Variants in NCOA6 observed in about 807,000 individuals in gnomAD.
The protein encoded by NCOA6 is nuclear receptor coactivator 6.
Under a neutral mutation model 171.4 loss-of-function variants are expected in NCOA6, and 49 were observed. The observed-to-expected ratio is 0.29, with a 90% confidence interval of 0.23 to 0.36. The LOEUF (loss-of-function observed/expected upper bound fraction) is 0.36, where lower values mean the gene tolerates loss of function less well. Among genes scored for constraint, NCOA6 ranks in the 10% least tolerant of loss-of-function variants. The pLI is 1.00. For missense variants in NCOA6, 2,248 were observed against 2,554.5 expected (o/e 0.88, Z 2.59); for synonymous variants, 910 against 927.5 (o/e 0.98, Z 0.34).
At chr20:34,719,858 T>C (rs1458834703) in intron 14 of NCOA6, among the ~76,000 whole-genome samples, 1 of 152,176 alleles carries the variant, frequency 6.6e-6, no homozygotes, top group Non-Finnish European at 1.5e-5. Context: ...CTCTTCAGGG[T>C]TTTCTCCCAC....
chr20:34,787,291 A>G (rs1312216181), intron 2 of NCOA6, among the ~76,000 whole-genome samples: 1 of 152,008 alleles, frequency 6.6e-6, no homozygotes, highest in African/African-American at 2.4e-5. Flanking sequence ...TGGGAGGCTG[A>G]GGTTGGAGGA....
In NCOA6 at chr20:34,741,751, T is replaced by A; in HGVS notation, c.4505A>T (p.Asn1502Ile). 1 of 1,614,174 alleles carries A rather than the reference T, an allele frequency of 6.2e-7. No homozygotes were observed. The highest frequency in any genetic ancestry group is 8.5e-7 in the Non-Finnish European group (1 of 1,180,032). The change falls in exon 11 of 15, where the codon AAT (asparagine) becomes ATT (isoleucine). Residue 1502 changes from asparagine (N) to isoleucine (I), a missense_variant. By Grantham distance (149) the Asn-to-Ile change is moderately radical (BLOSUM62 -3). Transcript: ENST00000359003. ...SQLLDNSGAP[N>I]VTIKPPGLTD... Reference sequence around the variant, plus strand: ...AAGCCCAGGGGGTTTAATTGTCACATTGGGAGCTCCAGAGTTGTCAAGAAG... The same window carrying A: ...AAGCCCAGGGGGTTTAATTGTCACAATGGGAGCTCCAGAGTTGTCAAGAAG...
intron 5 of NCOA6, among the ~76,000 whole-genome samples, chr20:34,767,181 AG>A (rs1361389153): frequency 5.9e-5 from 9 of 152,230 alleles, no homozygotes; most frequent in Admixed American, 5.2e-4. Flanking sequence ...ATGTGAAGAA[AG>A]TATTGCTTGG....
Position 34,726,659 on chromosome 20 carries a change from C to T in NCOA6, c.6148+600G>A, listed in dbSNP as rs142824353. Reference sequence around the variant, plus strand: ...CATTAGCCAGGTGAGGTGGCACGCACCTGTAATCCCAGCTACTCAGGACGC... The same window carrying T: ...CATTAGCCAGGTGAGGTGGCACGCATCTGTAATCCCAGCTACTCAGGACGC... On this transcript the variant is annotated intron_variant, in intron 14 of 14. Transcript: ENST00000359003. Among the ~76,000 whole-genome samples, 1,299 of 152,218 alleles carry T rather than the reference C, an allele frequency of 8.5e-3. 7 individuals are homozygous for T. Among genetic ancestry groups the T allele is most frequent in the Middle Eastern group, 0.034 (10 of 294 alleles).
At chr20:34,782,074 C>T in intron 3 of NCOA6, 47 bp downstream of exon 3, 2 of 1,338,826 alleles carry the variant, frequency 1.5e-6, no homozygotes, top group South Asian at 1.4e-5. Flanking sequence ...GAAGGGCAAA[C>T]ATTTCAAAAA....
chr20:34,776,217 G>A, intron 4 of NCOA6, 76 bp downstream of exon 4: 2 of 1,518,922 alleles, frequency 1.3e-6, no homozygotes, highest in Non-Finnish European at 1.8e-6. Context: ...AACAGACAAA[G>A]CAGCACAGAA....
intron 1 of NCOA6, among the ~76,000 whole-genome samples, chr20:34,824,579 T>TC (rs1458696060): frequency 6.6e-6 from 1 of 152,168 alleles, no homozygotes; most frequent in African/African-American, 2.4e-5. Context: ...GTCCCTCCTT[T>TC]TAAAGACACA....
intron 10 of NCOA6, among the ~76,000 whole-genome samples, chr20:34,746,453 G>A (rs2076304307): frequency 6.6e-6 from 1 of 152,132 alleles, no homozygotes. Flanking sequence ...ATGTTGCCCA[G>A]GCTGGTCTTG....
intron 10 of NCOA6, among the ~76,000 whole-genome samples, chr20:34,744,405 G>A (rs916772110): frequency 2.0e-5 from 3 of 152,160 alleles, no homozygotes; most frequent in African/African-American, 7.2e-5. Flanking sequence ...TGGGCATACA[G>A]CTGGGCATAT....
At chr20:34,813,624 T>G (rs1179154269) in intron 1 of NCOA6, among the ~76,000 whole-genome samples, 14 of 152,156 alleles carry the variant, frequency 9.2e-5, no homozygotes, top group Non-Finnish European at 1.9e-4. Context: ...GCTAAAATAT[T>G]AAAGGCATAG....
intron 1 of NCOA6, among the ~76,000 whole-genome samples, chr20:34,817,185 ACTGATATTC>A (rs1568902251): frequency 0.022 from 2,756 of 124,730 alleles, 646 homozygotes; most frequent in Middle Eastern, 0.037. Context: ...GTACTACGGA[ACTGATATTC>A]AACAGATTCA....
At position 34,715,344 on chromosome 20, in the gene NCOA6, G is replaced by T. The variant is rs768795684; in HGVS notation, c.6170C>A (p.Ser2057Tyr). 1.1e-5 allele frequency: 18 copies of T among 1,613,932 alleles called. No individual in the cohort carries two copies. The highest frequency in any genetic ancestry group is 1.2e-5 in the Non-Finnish European group (14 of 1,179,840). The change falls in exon 15 of 15, where the codon TCC (serine) becomes TAC (tyrosine). Residue 2057 changes from serine (S) to tyrosine (Y), a missense_variant. Ser to Tyr is a moderately radical substitution (Grantham distance 144). Coordinates refer to ENST00000359003, the MANE Select transcript of NCOA6 (RefSeq NM_014071.5). Reference protein sequence around the residue: ...STKDITSAVQSKRRKSK With the variant: ...STKDITSAVQYKRRKSK ...TGTTTACTTGGATTTTCTTCGCTTG[G>T]ATTGCACCGCACTGGTTATGTCTGT...
chr20:34,763,292 A>G (rs979784020), intron 5 of NCOA6, among the ~76,000 whole-genome samples: 3 of 152,124 alleles, frequency 2.0e-5, no homozygotes, highest in South Asian at 4.2e-4. Flanking sequence ...CCTCTTTCAT[A>G]TTTCCATCTC....
intron 12 of NCOA6, among the ~76,000 whole-genome samples, chr20:34,735,795 T>C (rs1374400000): frequency 6.6e-6 from 1 of 152,190 alleles, no homozygotes; most frequent in Non-Finnish European, 1.5e-5. Context: ...GAAGTAGGTT[T>C]TAAAATAATC....
intron 10 of NCOA6, among the ~76,000 whole-genome samples, chr20:34,744,979 A>G (rs1051251911): frequency 3.3e-5 from 5 of 152,256 alleles, no homozygotes; most frequent in Admixed American, 2.6e-4. Context: ...TGGCTGCTAC[A>G]GAGTCCAGAA....
chr20:34,799,301 A>G (rs963171317), intron 1 of NCOA6, among the ~76,000 whole-genome samples: 2 of 152,200 alleles, frequency 1.3e-5, no homozygotes, highest in African/African-American at 4.8e-5. Flanking sequence ...GTCAGAGGAG[A>G]CAAAAGAATG....
intron 2 of NCOA6, among the ~76,000 whole-genome samples, chr20:34,783,256 T>C (rs1260399222): frequency 1.3e-5 from 2 of 151,858 alleles, no homozygotes; most frequent in African/African-American, 4.8e-5. Flanking sequence ...CACTCCAGCC[T>C]GGGCAACAGA....
intron 9 of NCOA6, among the ~76,000 whole-genome samples, chr20:34,749,060 A>G (rs1305631798): frequency 6.6e-6 from 1 of 152,210 alleles, no homozygotes. Context: ...TAAGAAAAAA[A>G]TTTGAGATAA....
chr20:34,766,731 G>T (rs896855693), intron 5 of NCOA6, among the ~76,000 whole-genome samples: 5 of 152,158 alleles, frequency 3.3e-5, no homozygotes, highest in African/African-American at 1.2e-4. Flanking sequence ...AGAACATAAA[G>T]ATGTTTATAG....
Sources: gnomAD v4.1 joint callset for allele counts (sites outside exome capture counted in the v4.1 genomes callset) on GRCh38, gnomAD v4.1.1 for gene constraint, MANE v1.5 for transcripts, NCBI Gene and HGNC (gene_info 2026-07-23, HGNC 2026-07-21) for gene names.